Variants in CUX1 observed in about 807,000 individuals in gnomAD.
CUX1 encodes cut like homeobox 1, also known as protein CASP.
Under a neutral mutation model 158.8 loss-of-function variants are expected in CUX1, and 31 were observed. The observed-to-expected ratio is 0.20, with a 90% CI of 0.15 to 0.26. The LOEUF is 0.26. Among genes scored for constraint, CUX1 ranks in the 10% least tolerant of loss-of-function variants. The probability of loss-of-function intolerance (pLI) is 1.00; values close to 1 mark genes in which losing one functional copy is unlikely to be tolerated. For missense variants in CUX1, 1,589 were observed against 2,014.6 expected (o/e 0.79, Z 4.04); for synonymous variants, 879 against 862.1 (o/e 1.02, Z -0.34).
chr7:102,228,582 T>G (rs1274293008), intron 21 of CUX1, among the ~76,000 whole-genome samples: 1 of 152,008 alleles, frequency 6.6e-6, no homozygotes, highest in Non-Finnish European at 1.5e-5. Context: ...ATCGCTTGAG[T>G]CCAGCCAGGA....
At chr7:102,281,774 C>T (rs1792085963) in intron 20 of CUX1, 7 of 1,117,266 alleles carry the variant, frequency 6.3e-6, no homozygotes, top group Admixed American at 5.2e-5. Flanking sequence ...TTCTGTGAAG[C>T]CCAGGCAGCC....
rs548098359 is a variant in CUX1, at chr7:101,866,841, T to G, written c.30+49172T>G. Among the ~76,000 whole-genome samples the G allele has an allele frequency of 6.6e-5, 10 of 152,266 alleles. No individual in the cohort carries two copies. The East Asian group carries it at 1.3e-3, about 21-fold the overall frequency. ...TTGCCCTCTAAGCATTTTATTGACT[T>G]CAAAACCTACAAAGGCGGCGCCATG... On this transcript the variant is annotated intron_variant, in intron 1 of 23. Coordinates refer to ENST00000292535, the MANE Select transcript of CUX1 (RefSeq NM_181552.4).
chr7:101,976,821 A>G (rs1193753464), intron 2 of CUX1, among the ~76,000 whole-genome samples: 1 of 151,264 alleles, frequency 6.6e-6, no homozygotes, highest in Non-Finnish European at 1.5e-5. Flanking sequence ...AGTAGCTCCA[A>G]CTTCCCGAGA....
intron 14 of CUX1, among the ~76,000 whole-genome samples, chr7:102,269,065 T>C (rs782570306): frequency 6.6e-5 from 10 of 151,852 alleles, no homozygotes; most frequent in Non-Finnish European, 1.3e-4. Context: ...GCCTCCCTAG[T>C]AGCTGGGACT....
intron 3 of CUX1, among the ~76,000 whole-genome samples, chr7:102,050,438 A>C (rs540004178): frequency 7.2e-5 from 11 of 152,204 alleles, no homozygotes; most frequent in African/African-American, 2.6e-4. Flanking sequence ...CACACTCCAG[A>C]GTAACCTCAT....
intron 1 of CUX1, among the ~76,000 whole-genome samples, chr7:101,863,632 T>A (rs1209192434): frequency 6.6e-6 from 1 of 152,248 alleles, no homozygotes; most frequent in Non-Finnish European, 1.5e-5. Flanking sequence ...ATTACAGGTG[T>A]GAGCCACTGC....
At chr7:102,212,853 T>C (rs1796689672) in intron 20 of CUX1, among the ~76,000 whole-genome samples, 1 of 152,180 alleles carries the variant, frequency 6.6e-6, no homozygotes, top group Non-Finnish European at 1.5e-5. Flanking sequence ...CCTTTTTGTG[T>C]GTACATGTGT....
intron 2 of CUX1, among the ~76,000 whole-genome samples, chr7:101,969,807 T>G (rs2129189444): frequency 6.6e-6 from 1 of 152,228 alleles, no homozygotes; most frequent in East Asian, 1.9e-4. Flanking sequence ...TGCTTAAATG[T>G]ATCCATTGAA....
At chr7:101,950,071 C>T (rs977299392) in intron 2 of CUX1, among the ~76,000 whole-genome samples, 4 of 152,166 alleles carry the variant, frequency 2.6e-5, no homozygotes, top group East Asian at 3.9e-4. Flanking sequence ...GCAATGCTGG[C>T]GCGATCTCAG....
chr7:102,196,831 T>G lies in CUX1; in HGVS notation c.1420T>G (p.Ser474Ala). Reference sequence around the variant, plus strand: ...GGCAAGCCCCAGCCTACCCCTGGCTTCTACAGGAAAATTTGCACTAAACTC... The same window carrying G: ...GGCAAGCCCCAGCCTACCCCTGGCTGCTACAGGAAAATTTGCACTAAACTC... ...SLASPSLPLA[S>A]TGKFALNSLL... The change falls in exon 15 of 24, where the codon TCT (serine) becomes GCT (alanine). Residue 474 changes from serine (S) to alanine (A), a missense_variant. By Grantham distance (99) the Ser-to-Ala change is moderately conservative (BLOSUM62 1). This residue lies in a region of CUX1 where 515 missense variants were observed against 574.4 expected (regional missense o/e 0.90). Coordinates refer to ENST00000292535, the MANE Select transcript of CUX1 (RefSeq NM_181552.4). 1 of 1,614,160 alleles carries G rather than the reference T, an allele frequency of 6.2e-7. No homozygotes were observed. The highest frequency in any genetic ancestry group is 2.2e-5 in the East Asian group (1 of 44,874).
chr7:102,114,371 G>A (rs1449479524), intron 7 of CUX1, among the ~76,000 whole-genome samples: 6 of 152,156 alleles, frequency 3.9e-5, no homozygotes, highest in African/African-American at 1.4e-4. Context: ...CATCTCCAGG[G>A]TTCAAGTGAT....
At chr7:102,262,427 G>GATGGATGGATGGATGC (rs1469865492), downstream of CUX1, among the ~76,000 whole-genome samples, 1 of 123,886 alleles carries the variant, frequency 8.1e-6, no homozygotes, top group Non-Finnish European at 1.9e-5. Context: ...TGGATGGATG[G>GATGGATGGATGGATGC]ATAACTCACA....
At chr7:102,271,407 C>T (rs531007913) in intron 14 of CUX1, among the ~76,000 whole-genome samples, 82 of 152,328 alleles carry the variant, frequency 5.4e-4, no homozygotes, top group Admixed American at 5.0e-3. Flanking sequence ...GTGGTTTCCT[C>T]TCCCTACATC....
chr7:101,841,916 AAACTGTAAC>A, intron 1 of CUX1, among the ~76,000 whole-genome samples: 1 of 152,318 alleles, frequency 6.6e-6, no homozygotes, highest in East Asian at 1.9e-4. Context: ...AATCTATTCA[AAACTGTAAC>A]ATTTCTGCTA....
intron 8 of CUX1, among the ~76,000 whole-genome samples, chr7:102,139,386 G>T: frequency 6.6e-6 from 1 of 151,836 alleles, no homozygotes; most frequent in East Asian, 1.9e-4. Flanking sequence ...CAATGACATT[G>T]TATTGATACA....
At chr7:101,985,042 T>C (rs1217190255) in intron 2 of CUX1, among the ~76,000 whole-genome samples, 1 of 152,218 alleles carries the variant, frequency 6.6e-6, no homozygotes, top group East Asian at 1.9e-4. Context: ...AATATTGCTT[T>C]ATTCCCTGAC....
intron 2 of CUX1, among the ~76,000 whole-genome samples, chr7:102,001,317 G>A (rs1816658922): frequency 6.6e-6 from 1 of 151,876 alleles, no homozygotes; most frequent in Non-Finnish European, 1.5e-5. Flanking sequence ...TGTGTTCCTT[G>A]TCTTTTAACT....
chr7:102,116,766 C>A (rs186145879), intron 8 of CUX1, among the ~76,000 whole-genome samples: 1 of 152,160 alleles, frequency 6.6e-6, no homozygotes, highest in Non-Finnish European at 1.5e-5. Context: ...TCTTGGGGTG[C>A]GCCCCACCTG....
At chr7:102,038,154 C>T (rs1266420561) in intron 3 of CUX1, among the ~76,000 whole-genome samples, 1 of 152,078 alleles carries the variant, frequency 6.6e-6, no homozygotes, top group African/African-American at 2.4e-5. Flanking sequence ...TTTCACATCA[C>T]CTGTTGGAAA....
Sources: allele counts gnomAD v4.1 joint callset (sites outside exome capture counted in the v4.1 genomes callset), GRCh38; gene constraint gnomAD v4.1.1; regional missense constraint gnomAD v4.1.1; transcripts MANE v1.5; gene names NCBI Gene and HGNC (gene_info 2026-07-23, HGNC 2026-07-21).